Variants in FHDC1 observed in about 807,000 individuals in gnomAD.
FHDC1 encodes the protein FH2 domain-containing protein 1.
In FHDC1, 25 loss-of-function variants were observed where a neutral mutation model predicts 52.6. The observed-to-expected ratio is 0.48, with a 90% CI of 0.35 to 0.66. The LOEUF (loss-of-function observed/expected upper bound fraction) is 0.66, where lower values mean the gene tolerates loss of function less well. FHDC1 is among the 30% of genes least tolerant of loss of function. The pLI is 0.01. For missense variants in FHDC1, 1,459 were observed against 1,452.8 expected (o/e 1.00, Z -0.07); for synonymous variants, 616 against 581.5 (o/e 1.06, Z -0.85).
chr4:152,921,800 C>A, the FHDC1 span, among the ~76,000 whole-genome samples: 3 of 152,066 alleles, frequency 2.0e-5, no homozygotes, highest in Non-Finnish European at 4.4e-5. Flanking sequence ...AATATGAAAT[C>A]ATTTTACCAA....
rs1740881632 is a variant in FHDC1 at position 152,976,333 on chromosome 4, A to AGAAGAGCC, written c.3043_3050dup (p.Thr1019SerfsTer32). The AGAAGAGCC allele has an allele frequency of 6.2e-7, 1 of 1,613,704 alleles. No individual in the cohort carries two copies. The highest frequency in any genetic ancestry group is 8.5e-7 in the Non-Finnish European group (1 of 1,179,990). On this transcript the variant is annotated frameshift_variant, in exon 12 of 12. Coordinates refer to ENST00000511601, the MANE Select transcript of FHDC1 (RefSeq NM_001371116.1). LOFTEE classifies it low-confidence loss of function (END_TRUNC). The stretch of plus-strand genomic sequence containing the variant: ...ACTCCGAGGGCCCTGAGAGTCCCAA[A>AGAAGAGCC]GAAGAGCCCAAGACCCCGTCAGTGC...
intron 3 of FHDC1, 82 bp from the exon 4 acceptor site, chr4:152,954,135 G>A: frequency 1.7e-6 from 2 of 1,191,158 alleles, no homozygotes; most frequent in South Asian, 1.3e-5. Context: ...GGAGGGTGGA[G>A]GAGATTTAAT....
chr4:152,944,046 C>T (rs906341319), intron 2 of FHDC1, among the ~76,000 whole-genome samples: 2 of 152,122 alleles, frequency 1.3e-5, no homozygotes, highest in South Asian at 4.1e-4. Context: ...ACAAGTGTTT[C>T]TAGATGGCCT....
In FHDC1 at chr4:152,967,985, C is replaced by T. The variant is rs1448907789; in HGVS notation, c.1106C>T (p.Ser369Phe). The T allele has an allele frequency of 6.2e-7, 1 of 1,612,310 alleles. No individual in the cohort carries two copies. Among genetic ancestry groups the T allele is most frequent in the African/African-American group, 1.3e-5 (1 of 74,836 alleles). Residue 369 changes from serine (S) to phenylalanine (F), a missense_variant, in exon 10 of 12, where the codon TCT (serine) becomes TTT (phenylalanine). Around this residue, in one of 3 missense-constraint regions of FHDC1, gnomAD observed 513 missense variants for 581.5 expected, o/e 0.88. Coordinates refer to ENST00000511601, the MANE Select transcript of FHDC1 (RefSeq NM_001371116.1). ...LHHVQKTARL[S>F]LENTEAELHL... ...TCTCCCCTTTCTTCTTTTAGATTATCTCTGGAGAACACGGAGGCAGAACTG... is the reference window on the plus strand; with the variant it reads ...TCTCCCCTTTCTTCTTTTAGATTATTTCTGGAGAACACGGAGGCAGAACTG...
At chr4:152,913,431 A>G in the FHDC1 span, among the ~76,000 whole-genome samples, 3 of 152,244 alleles carry the variant, frequency 2.0e-5, no homozygotes, top group Admixed American at 2.0e-4. Context: ...TGAAAGAATA[A>G]TGTAGCTACC....
rs746062083 is a variant in FHDC1, at chr4:152,953,546, T to G, written c.546T>G (p.Leu182=). 6.2e-7 allele frequency: 1 copy of G among 1,611,930 alleles called. No individual in the cohort carries two copies. Among genetic ancestry groups the G allele is most frequent in the Non-Finnish European group, 8.5e-7 (1 of 1,179,846 alleles). Residue 182 remains leucine (L), a synonymous_variant, in exon 3 of 12, where the codon CTT becomes CTG. Transcript: ENST00000511601. ...AKRSMNIGIF[L]KQFKKSPRSI... ...GGAGCATGAACATTGGGATATTTCT[T>G]AAGCAATTTAAGAAGTAAGATTTTG...
intron 10 of FHDC1, among the ~76,000 whole-genome samples, chr4:152,971,492 G>A (rs1740633795): frequency 6.6e-6 from 1 of 152,206 alleles, no homozygotes; most frequent in Non-Finnish European, 1.5e-5. Flanking sequence ...TCGGGGAAGT[G>A]TGTGTGACCC....
intron 4 of FHDC1, among the ~76,000 whole-genome samples, chr4:152,957,930 C>T (rs1422841856): frequency 4.6e-5 from 7 of 151,836 alleles, no homozygotes; most frequent in African/African-American, 9.7e-5. Flanking sequence ...ACCCCCACCA[C>T]GCCTGACCAG....
chr4:152,958,280 G>A (rs1250530285), intron 4 of FHDC1, among the ~76,000 whole-genome samples: 2 of 152,166 alleles, frequency 1.3e-5, no homozygotes, highest in Non-Finnish European at 2.9e-5. Context: ...AGCCCACAAA[G>A]TTATGCCTAA....
At chr4:152,927,390 T>G in the FHDC1 span, 2 of 765,446 alleles carry the variant, frequency 2.6e-6, no homozygotes, top group South Asian at 2.8e-5. Context: ...CAGGTCTCAG[T>G]CAATTTAGAA....
chr4:152,960,923 T>C, intron 6 of FHDC1, 79 bp downstream of exon 6: 3 of 1,059,838 alleles, frequency 2.8e-6, no homozygotes, highest in East Asian at 2.5e-5. Flanking sequence ...CAAATGAAAT[T>C]GGACATGGAA....
At chr4:152,921,576 TCCTTCCTTCCTCCCTC>T in the FHDC1 span, among the ~76,000 whole-genome samples, 52 of 141,908 alleles carry the variant, frequency 3.7e-4, no homozygotes, top group Non-Finnish European at 6.6e-4. Context: ...CTTCCTTCCT[TCCTTCCTTCCTCCCTC>T]CCTCCCTCCC....
intron 4 of FHDC1, among the ~76,000 whole-genome samples, chr4:152,959,083 C>T (rs1216072657): frequency 6.6e-6 from 1 of 152,150 alleles, no homozygotes; most frequent in Admixed American, 6.5e-5. Context: ...CTTAAAATCA[C>T]GTTATTAATC....
At chr4:152,971,837 G>A (rs1195278580) in intron 10 of FHDC1, among the ~76,000 whole-genome samples, 1 of 152,176 alleles carries the variant, frequency 6.6e-6, no homozygotes, top group African/African-American at 2.4e-5. Context: ...AGCACCCCGG[G>A]TTTAGGCACG....
intron 4 of FHDC1, among the ~76,000 whole-genome samples, chr4:152,959,528 C>A (rs1018172849): frequency 6.6e-6 from 1 of 152,160 alleles, no homozygotes; most frequent in Non-Finnish European, 1.5e-5. Context: ...AAATGAGCAA[C>A]AGAAGAAAAT....
the FHDC1 span, among the ~76,000 whole-genome samples, chr4:152,930,797 C>G: frequency 0.027 from 4,085 of 152,170 alleles, 99 homozygotes; most frequent in South Asian, 0.11. Context: ...AAGCTTAGTG[C>G]AAAGAACTGT....
At chr4:152,940,186 G>C (rs780768671) in intron 1 of FHDC1, among the ~76,000 whole-genome samples, 1 of 152,194 alleles carries the variant, frequency 6.6e-6, no homozygotes, top group Non-Finnish European at 1.5e-5. Context: ...GGCCCAGGGG[G>C]AAACCCTATT....
At chr4:152,962,156 G>A (rs1740298802) in intron 6 of FHDC1, among the ~76,000 whole-genome samples, 1 of 152,074 alleles carries the variant, frequency 6.6e-6, no homozygotes. Context: ...TTGCATGGGT[G>A]TACAAAGGAT....
At chr4:152,938,190 C>CTT (rs72024131) in intron 1 of FHDC1, among the ~76,000 whole-genome samples, 5,750 of 136,188 alleles carry the variant, frequency 0.042, 172 homozygotes, top group Non-Finnish European at 0.046. Flanking sequence ...CACGCATGTG[C>CTT]TTTTTTTTTT....
Sources: gnomAD v4.1 joint callset for allele counts (sites outside exome capture counted in the v4.1 genomes callset) on GRCh38, gnomAD v4.1.1 for gene constraint, gnomAD v4.1.1 regional missense constraint, MANE v1.5 for transcripts, NCBI Gene and HGNC (gene_info 2026-07-23, HGNC 2026-07-21) for gene names.